The following AAMDC variants were observed in gnomAD, a reference collection of about 807,000 sequenced individuals.
AAMDC encodes adipogenesis associated Mth938 domain containing, also known as mth938 domain-containing protein.
Under a neutral mutation model 15.5 loss-of-function variants are expected in AAMDC, and 16 were observed. That is an observed-to-expected ratio of 1.03 (90% CI 0.70 to 1.57). The LOEUF is 1.57. AAMDC is among the 40% of genes most tolerant of loss of function. AAMDC has a pLI of 0.00. For synonymous variants in AAMDC, 51 were observed against 51.6 expected (o/e 0.99, Z 0.05); for missense variants, 141 against 144.9 (o/e 0.97, Z 0.14).
intron 5 of AAMDC, among the ~76,000 whole-genome samples, chr11:77,889,710 G>T (rs765818159): frequency 1.3e-5 from 2 of 152,176 alleles, no homozygotes; most frequent in Non-Finnish European, 2.9e-5. Flanking sequence ...TGGAACAGAG[G>T]AATGACTCCG....
intron 1 of AAMDC, among the ~76,000 whole-genome samples, chr11:77,831,078 G>A (rs962314494): frequency 6.6e-6 from 1 of 151,476 alleles, no homozygotes; most frequent in Non-Finnish European, 1.5e-5. Context: ...AGAATTCGTC[G>A]AGGCTTCAGT....
At chr11:77,900,838 G>A (rs563689518), downstream of AAMDC, 17 of 558,600 alleles carry the variant, frequency 3.0e-5, no homozygotes, top group Non-Finnish European at 3.8e-5. Context: ...CTCTTATTAC[G>A]TATCAAGTAC....
At chr11:77,890,541 A>ATC (rs1952217240) in intron 5 of AAMDC, among the ~76,000 whole-genome samples, 1 of 151,844 alleles carries the variant, frequency 6.6e-6, no homozygotes, top group South Asian at 2.1e-4. Context: ...GTGCTTTGAA[A>ATC]GGGTTTTTTA....
At chr11:77,829,977 T>C (rs1264341841) in intron 1 of AAMDC, 1 of 152,032 alleles carries the variant, frequency 6.6e-6, no homozygotes, top group African/African-American at 2.4e-5. Flanking sequence ...ACAAAATTCT[T>C]TTTTATAGCC....
chr11:77,825,722 C>T (rs1394374618), intron 1 of AAMDC, among the ~76,000 whole-genome samples: 4 of 148,846 alleles, frequency 2.7e-5, no homozygotes, highest in African/African-American at 9.9e-5. Context: ...GAGTCAGTCT[C>T]ACTCTGTCGC....
chr11:77,890,577 C>G (rs1294442152), intron 5 of AAMDC, among the ~76,000 whole-genome samples: 1 of 152,054 alleles, frequency 6.6e-6, no homozygotes, highest in Non-Finnish European at 1.5e-5. Flanking sequence ...GATGACCCAT[C>G]CTGTGCATGT....
intron 1 of AAMDC, among the ~76,000 whole-genome samples, chr11:77,827,296 G>A (rs781756265): frequency 1.3e-5 from 2 of 152,154 alleles, no homozygotes; most frequent in Non-Finnish European, 2.9e-5. Flanking sequence ...CTTATTCTGT[G>A]AGGACAGATT....
intron 5 of AAMDC, among the ~76,000 whole-genome samples, chr11:77,887,361 A>G (rs1952058222): frequency 6.6e-6 from 1 of 152,356 alleles, no homozygotes; most frequent in South Asian, 2.1e-4. Context: ...GGCCTTTGAC[A>G]AAATTCAACA....
chr11:77,830,987 C>CAAAAAAAAAAAAAAAAAA (rs59283485), intron 1 of AAMDC, among the ~76,000 whole-genome samples: 1 of 100,514 alleles, frequency 9.9e-6, no homozygotes, highest in Non-Finnish European at 2.0e-5. Context: ...CAAAATATAC[C>CAAAAAAAAAAAAAAAAAA]AAAAAAAAAA....
downstream of AAMDC, among the ~76,000 whole-genome samples, chr11:77,874,391 T>C (rs1481053551): frequency 6.7e-6 from 1 of 149,284 alleles, no homozygotes; most frequent in Admixed American, 6.7e-5. Flanking sequence ...TTTTTTTTGG[T>C]CAAATGTAAG....
chr11:77,896,876 T>C (rs1177580860), intron 5 of AAMDC, among the ~76,000 whole-genome samples: 4 of 149,014 alleles, frequency 2.7e-5, no homozygotes, highest in Non-Finnish European at 4.5e-5. Flanking sequence ...AGCAAGAATA[T>C]TGAAAGAAAA....
At chr11:77,883,789 C>T in intron 5 of AAMDC, 1 of 1,603,396 alleles carries the variant, frequency 6.2e-7, no homozygotes, top group Non-Finnish European at 8.5e-7. Flanking sequence ...GGTGTGATCT[C>T]CAGCAGCATA....
In AAMDC at chr11:77,870,878, T is replaced by A. The variant is rs117969031; in HGVS notation, c.228+1061T>A. 2.3e-3 allele frequency among the ~76,000 whole-genome samples: 349 copies of A among 152,312 alleles called. 8 individuals carry two copies. The East Asian group carries it at 0.055, about 24-fold the overall frequency. On this transcript the variant is annotated intron_variant, in intron 3 of 3. Coordinates refer to ENST00000393427, the MANE Select transcript of AAMDC (RefSeq NM_024684.4). ...GTCAGTGCTATATGTATTCTATAAC[T>A]TTTTCCCCCACTTACATTACTGTAT...
chr11:77,829,798 TC>T (rs1949337586), intron 1 of AAMDC: 1 of 152,132 alleles, frequency 6.6e-6, no homozygotes, highest in Non-Finnish European at 1.5e-5. Flanking sequence ...AAAACATGTA[TC>T]AAAAAGTCAA....
intron 2 of AAMDC, chr11:77,868,628 A>T (rs1231017794): frequency 1.3e-5 from 2 of 151,424 alleles, no homozygotes; most frequent in African/African-American, 4.9e-5. Context: ...GGTGTGAGCC[A>T]CCATACCTGG....
chr11:77,875,956 C>T (rs1192794521), downstream of AAMDC, among the ~76,000 whole-genome samples: 2 of 152,132 alleles, frequency 1.3e-5, no homozygotes, highest in African/African-American at 2.4e-5. Flanking sequence ...CATGAAGAGC[C>T]TTCAAGACAG....
downstream of AAMDC, among the ~76,000 whole-genome samples, chr11:77,872,779 C>G (rs910139366): frequency 1.3e-5 from 2 of 152,158 alleles, no homozygotes; most frequent in African/African-American, 4.8e-5. Flanking sequence ...GAAACCCCAT[C>G]TCTATTAAAA....
At chr11:77,893,846 C>A (rs538072048) in intron 5 of AAMDC, among the ~76,000 whole-genome samples, 2 of 151,680 alleles carry the variant, frequency 1.3e-5, no homozygotes, top group Non-Finnish European at 2.9e-5. Flanking sequence ...TGAGCCAAGA[C>A]TGCACCACTG....
At chr11:77,838,509 C>G (rs1386287627) in intron 1 of AAMDC, among the ~76,000 whole-genome samples, 1 of 152,078 alleles carries the variant, frequency 6.6e-6, no homozygotes, top group Non-Finnish European at 1.5e-5. Flanking sequence ...ACATTTTGGA[C>G]TTGCCAGCCT....
Sources: gnomAD v4.1 joint callset for allele counts (sites outside exome capture counted in the v4.1 genomes callset) on GRCh38, gnomAD v4.1.1 for gene constraint, MANE v1.5 for transcripts, NCBI Gene and HGNC (gene_info 2026-07-23, HGNC 2026-07-21) for gene names.